The following CLSTN1 variants were observed in gnomAD, a reference collection of about 807,000 sequenced individuals.
CLSTN1 encodes calsyntenin-1.
A neutral mutation model predicts 108.3 loss-of-function variants in CLSTN1; 28 were observed. That is an observed-to-expected ratio of 0.26 (90% CI 0.19 to 0.35). The LOEUF is 0.35. CLSTN1 is among the 10% of genes least tolerant of loss of function. CLSTN1 has a pLI of 1.00. For synonymous variants in CLSTN1, 524 were observed against 534.9 expected (o/e 0.98, Z 0.28); for missense variants, 1,157 against 1,302.6 (o/e 0.89, Z 1.72).
intron 2 of CLSTN1, among the ~76,000 whole-genome samples, chr1:9,767,458 T>C (rs1256700244): frequency 6.6e-6 from 1 of 151,638 alleles, no homozygotes. Flanking sequence ...GGCAGGAGAA[T>C]TGCTTGAACC....
intron 1 of CLSTN1, among the ~76,000 whole-genome samples, chr1:9,802,271 T>C (rs1446588675): frequency 6.6e-6 from 1 of 152,118 alleles, no homozygotes. Context: ...CCCTCCAAAA[T>C]AGAAAGATGC....
intron 2 of CLSTN1, among the ~76,000 whole-genome samples, chr1:9,768,079 C>T (rs1339000848): frequency 1.3e-5 from 2 of 152,174 alleles, no homozygotes; most frequent in Non-Finnish European, 2.9e-5. Flanking sequence ...TTGCCTAAGG[C>T]CACACAGCCA....
intron 1 of CLSTN1, among the ~76,000 whole-genome samples, chr1:9,797,364 G>A (rs1440267910): frequency 6.6e-6 from 1 of 152,180 alleles, no homozygotes; most frequent in Non-Finnish European, 1.5e-5. Flanking sequence ...GCTGGCCATG[G>A]TGGCTCATGC....
Position 9,743,369 on chromosome 1 carries a change from G to A in CLSTN1, c.1356+515C>T, listed in dbSNP as rs528194628. Among the ~76,000 whole-genome samples the A allele has an allele frequency of 1.2e-4, 18 of 152,284 alleles. No individual in the cohort carries two copies. The South Asian group carries it at 2.5e-3, about 21-fold the overall frequency. On this transcript the variant is annotated intron_variant, in intron 9 of 18. Coordinates refer to ENST00000377298, the MANE Select transcript of CLSTN1 (RefSeq NM_001009566.3). Reference sequence around the variant, plus strand: ...GCATCAGTTGAAGTCAGGAGTTCAAGACTAGCCTGGCTAATATGGTGAAAC... The same window carrying A: ...GCATCAGTTGAAGTCAGGAGTTCAAAACTAGCCTGGCTAATATGGTGAAAC...
chr1:9,731,380 G>A lies in CLSTN1; in HGVS notation c.2574C>T (p.Ser858=), dbSNP rs1310161057. Residue 858 remains serine (S), a synonymous_variant, in exon 18 of 19, where the codon AGC becomes AGT. Transcript: ENST00000377298. ...ACACCACGATCACAACTGTCGCAGT[G>A]CTGGGGACGACTGTGGGAGAATGAG... ...ANPHPFAVVP[S]TATVVIVVCV... is the part of the protein sequence containing the mutation. 2 of 1,613,958 alleles carry A rather than the reference G, an allele frequency of 1.2e-6. No homozygotes were observed. The highest frequency in any genetic ancestry group is 1.1e-5 in the South Asian group (1 of 91,088).
intron 4 of CLSTN1, among the ~76,000 whole-genome samples, chr1:9,754,514 G>A (rs781699354): frequency 1.5e-4 from 22 of 151,288 alleles, no homozygotes; most frequent in African/African-American, 4.6e-4. Flanking sequence ...AGCCAAGATC[G>A]TGCCACTACA....
Position 9,735,104 on chromosome 1 carries a change from C to T in CLSTN1, c.1954G>A (p.Glu652Lys). The T allele has an allele frequency of 6.2e-7, 1 of 1,614,226 alleles. No individual in the cohort carries two copies. Among genetic ancestry groups the T allele is most frequent in the Non-Finnish European group, 8.5e-7 (1 of 1,180,048 alleles). ...ACGCCACTCAGGCTGATCTTGGGCT[C>T]CTCGGGCTGTAAAACCATCACGTAG... ...DGYVMVLQPE[E>K]PKISLSGVHH... Residue 652 changes from glutamate to lysine, a missense_variant, in exon 14 of 19, where the codon GAG (glutamate) becomes AAG (lysine). Glu to Lys is a moderately conservative substitution (Grantham distance 56). Transcript: ENST00000377298.
chr1:9,803,348 A>C (rs2101280589), intron 1 of CLSTN1, among the ~76,000 whole-genome samples: 1 of 152,298 alleles, frequency 6.6e-6, no homozygotes. Context: ...AAACCACCCA[A>C]AACAGCAGCT....
At chr1:9,799,957 C>T (rs1029116115) in intron 1 of CLSTN1, among the ~76,000 whole-genome samples, 2 of 151,830 alleles carry the variant, frequency 1.3e-5, no homozygotes, top group Non-Finnish European at 2.9e-5. Flanking sequence ...AACAAACAAA[C>T]AAAAAACCAC....
chr1:9,806,218 G>A (rs1339114618), intron 1 of CLSTN1, among the ~76,000 whole-genome samples: 1 of 151,548 alleles, frequency 6.6e-6, no homozygotes, highest in Non-Finnish European at 1.5e-5. Flanking sequence ...TGAACCCAGG[G>A]CAGGGGGGGT....
intron 1 of CLSTN1, among the ~76,000 whole-genome samples, chr1:9,799,370 G>A (rs545021013): frequency 6.6e-6 from 1 of 152,176 alleles, no homozygotes; most frequent in South Asian, 2.1e-4. Context: ...AGCCGGGCGC[G>A]GTGGCTCACG....
intron 2 of CLSTN1, among the ~76,000 whole-genome samples, chr1:9,769,636 T>G (rs981607996): frequency 6.6e-6 from 1 of 152,138 alleles, no homozygotes; most frequent in African/African-American, 2.4e-5. Context: ...TGAGTGCCAC[T>G]TGGTGCAAGG....
intron 1 of CLSTN1, among the ~76,000 whole-genome samples, chr1:9,796,494 T>C (rs767981180): frequency 2.8e-5 from 4 of 144,220 alleles, no homozygotes; most frequent in Admixed American, 7.4e-5. Flanking sequence ...GGCTAACACA[T>C]GAAACCCCGT....
intron 1 of CLSTN1, among the ~76,000 whole-genome samples, chr1:9,787,455 G>C (rs933229927): frequency 7.0e-6 from 1 of 143,402 alleles, no homozygotes. Context: ...CCAGCCTGGA[G>C]TGCAGTGGTG....
chr1:9,806,587 A>T (rs907855706), intron 1 of CLSTN1, among the ~76,000 whole-genome samples: 1 of 152,124 alleles, frequency 6.6e-6, no homozygotes, highest in Non-Finnish European at 1.5e-5. Context: ...AATCTATAAA[A>T]ATAGACACGA....
intron 7 of CLSTN1, among the ~76,000 whole-genome samples, chr1:9,747,843 A>G (rs1651355905): frequency 6.6e-6 from 1 of 152,046 alleles, no homozygotes; most frequent in Non-Finnish European, 1.5e-5. Context: ...GGAGATCGAG[A>G]CCATCCTGGC....
intron 2 of CLSTN1, among the ~76,000 whole-genome samples, chr1:9,758,021 G>A (rs539589935): frequency 9.5e-4 from 145 of 151,968 alleles, no homozygotes; most frequent in Admixed American, 3.7e-3. Flanking sequence ...GGGTGGGAAC[G>A]GAGTTTCACT....
intron 9 of CLSTN1, 136 bp downstream of exon 9, chr1:9,743,748 G>T: frequency 1.1e-6 from 1 of 915,308 alleles, no homozygotes; most frequent in Non-Finnish European, 1.6e-6. Context: ...GTAGGGACAG[G>T]ATCTTAGTAA....
chr1:9,730,625 A>G lies in CLSTN1; in HGVS notation c.2829T>C (p.Asp943=). ...TCTCCGACTCGGCGCTGGTGATGTC[A>G]TCCTCTTCTTCGCCGTCCTCGCTTT... The part of the protein sequence containing the change: ...EEESEDGEEE[D]DITSAESESS... The change falls in exon 19 of 19, where the codon GAT becomes GAC. Residue 943 remains aspartate (D), a synonymous_variant. Coordinates refer to ENST00000377298, the MANE Select transcript of CLSTN1 (RefSeq NM_001009566.3). The surrounding 1 kb of genome is among the most constrained non-coding windows in gnomAD (Gnocchi z 5.6). 6.2e-7 allele frequency: 1 copy of G among 1,610,178 alleles called. No homozygotes were observed. Among genetic ancestry groups the G allele is most frequent in the Non-Finnish European group, 8.5e-7 (1 of 1,179,786 alleles).
Sources: allele counts gnomAD v4.1 joint callset (sites outside exome capture counted in the v4.1 genomes callset), GRCh38; gene constraint gnomAD v4.1.1; non-coding constraint Gnocchi (gnomAD v3.1); transcripts MANE v1.5; gene names NCBI Gene and HGNC (gene_info 2026-07-23, HGNC 2026-07-21).